ENAH: variants seen among roughly 807,000 people sequenced by gnomAD.
ENAH encodes the protein protein enabled homolog.
ENAH carries 23 observed loss-of-function variants against 78.7 expected under a neutral mutation model. The observed-to-expected ratio is 0.29, with a 90% CI of 0.21 to 0.41. ENAH has a LOEUF of 0.41. ENAH is among the 10% of genes least tolerant of loss of function. The pLI is 1.00. For synonymous variants in ENAH, 226 were observed against 241.0 expected (o/e 0.94, Z 0.58); for missense variants, 544 against 691.0 (o/e 0.79, Z 2.39).
At chr1:225,645,302 C>A (rs945238481) in intron 1 of ENAH, among the ~76,000 whole-genome samples, 2 of 152,184 alleles carry the variant, frequency 1.3e-5, no homozygotes, top group African/African-American at 4.8e-5. Flanking sequence ...CATATATCGC[C>A]TTTTGTGTCT....
chr1:225,621,514 G>C (rs886582136), intron 1 of ENAH, among the ~76,000 whole-genome samples: 1 of 151,698 alleles, frequency 6.6e-6, no homozygotes, highest in South Asian at 2.1e-4. Flanking sequence ...GGATGGTCTC[G>C]ATCTCCTGAC....
chr1:225,581,872 T>A (rs1333265834), intron 1 of ENAH, among the ~76,000 whole-genome samples: 8 of 132,206 alleles, frequency 6.1e-5, no homozygotes, highest in East Asian at 4.5e-4. Context: ...TTTTTTTTTT[T>A]AATTTTTGGT....
chr1:225,519,530 T>G lies in ENAH; in HGVS notation c.470A>C (p.Glu157Ala). 1 of 1,610,448 alleles carries G rather than the reference T, an allele frequency of 6.2e-7. No homozygotes were observed. Among genetic ancestry groups the G allele is most frequent in the Non-Finnish European group, 8.5e-7 (1 of 1,179,528 alleles). ...LQEQQRQKEL[E>A]RERLERERME... is the part of the protein sequence containing the mutation. ...TCTTTCTCGCTCCAGCCTTTCCCGC[T>G]CCAGCTCCTTTTGCCGTTGCTGTTC... is the stretch of plus-strand genomic sequence containing the variant. The change falls in exon 5 of 14, where the codon GAG becomes GCG. Residue 157 changes from glutamate (E) to alanine (A), a missense_variant. Coordinates refer to ENST00000366843, the MANE Select transcript of ENAH (RefSeq NM_018212.6).
At position 225,493,585 on chromosome 1, in the gene ENAH, T is replaced by C. The variant is rs1001236993; in HGVS notation, c.*4190A>G. On this transcript the variant is annotated 3_prime_UTR_variant, in exon 14 of 14. Transcript: ENST00000366843. Reference sequence around the variant, plus strand: ...ATGTACAGATATGAACTCATCTTTCTATTAAAAACAAAAGTGGTGCTACCA... The same window carrying C: ...ATGTACAGATATGAACTCATCTTTCCATTAAAAACAAAAGTGGTGCTACCA... 3 of 152,230 alleles carry C rather than the reference T, an allele frequency of 2.0e-5. No individual in the cohort carries two copies. The highest frequency in any genetic ancestry group is 1.3e-4 in the Admixed American group (2 of 15,274). 9.4% of individuals were successfully genotyped at this position (152,230 alleles called of 1,614,324 possible).
chr1:225,572,456 G>A (rs2096767932), intron 1 of ENAH, among the ~76,000 whole-genome samples: 1 of 152,118 alleles, frequency 6.6e-6, no homozygotes, highest in Non-Finnish European at 1.5e-5. Flanking sequence ...TCAAAACAAA[G>A]ACAAATCATT....
intron 1 of ENAH, among the ~76,000 whole-genome samples, chr1:225,568,555 A>G (rs1205979388): frequency 6.6e-6 from 1 of 152,226 alleles, no homozygotes; most frequent in Non-Finnish European, 1.5e-5. Flanking sequence ...AATCCTCTGA[A>G]GTAGCTCGTG....
chr1:225,585,845 G>A (rs912306989), intron 1 of ENAH, among the ~76,000 whole-genome samples: 7 of 152,072 alleles, frequency 4.6e-5, no homozygotes, highest in African/African-American at 1.7e-4. Context: ...AAGCAGTGAC[G>A]AATGGGAAAT....
chr1:225,580,033 C>T lies in ENAH; in HGVS notation c.6-12619G>A, dbSNP rs552318160. ...CCCTACTGTGTGATTCTGGTTCCTA[C>T]TCTAAGTATACACTGTAAGAAATAA... On this transcript the variant is annotated intron_variant, in intron 1 of 13. Coordinates refer to ENST00000366843, the MANE Select transcript of ENAH (RefSeq NM_018212.6). The T allele has an allele frequency of 2.6e-5, 4 of 152,200 alleles. No homozygotes were observed. In the East Asian group the frequency reaches 5.8e-4, roughly 22 times the overall value. 9.4% of individuals were successfully genotyped at this position (152,200 alleles called of 1,614,324 possible).
chr1:225,498,351 A>G lies in ENAH; in HGVS notation c.1671T>C (p.Ile557=). 1 of 1,594,500 alleles carries G rather than the reference A, an allele frequency of 6.3e-7. No homozygotes were observed. The highest frequency in any genetic ancestry group is 8.6e-7 in the Non-Finnish European group (1 of 1,166,226). ...TAAATTTGTCCAGACACTTACCATC[A>G]ATGAGCTCTTCTTTTAGCTTTGTTA... The part of the protein sequence containing the change: ...KELTKLKEEL[I]DAIRQELSKS... Residue 557 remains isoleucine (I), a synonymous_variant, in exon 13 of 14, where the codon ATT becomes ATC. Transcript: ENST00000366843.
intron 1 of ENAH, chr1:225,581,145 AG>A: frequency 2.4e-6 from 1 of 424,140 alleles, no homozygotes; most frequent in Non-Finnish European, 3.2e-6. Flanking sequence ...CAGAAAAAAA[AG>A]AAAAATGTGG....
chr1:225,586,241 C>CAAAAAAA (rs34817622), intron 1 of ENAH, among the ~76,000 whole-genome samples: 3,091 of 100,486 alleles, frequency 0.031, 72 homozygotes, highest in South Asian at 0.081. Flanking sequence ...GAGACAAGCT[C>CAAAAAAA]AAAAAAAAAA....
At chr1:225,594,932 G>A (rs1453174720) in intron 1 of ENAH, among the ~76,000 whole-genome samples, 2 of 152,138 alleles carry the variant, frequency 1.3e-5, no homozygotes, top group Non-Finnish European at 2.9e-5. Flanking sequence ...GAAAAAATAG[G>A]TATACAGAAA....
chr1:225,503,235 T>C (rs2096295009), intron 11 of ENAH, among the ~76,000 whole-genome samples: 1 of 152,168 alleles, frequency 6.6e-6, no homozygotes. Context: ...AATAACATTA[T>C]CCCAGGGGGT....
At chr1:225,583,995 A>T (rs2096833189) in intron 1 of ENAH, among the ~76,000 whole-genome samples, 1 of 151,962 alleles carries the variant, frequency 6.6e-6, no homozygotes, top group Non-Finnish European at 1.5e-5. Context: ...TCCACTAAAA[A>T]TACAAAAATT....
chr1:225,526,326 T>C (rs1217305520), intron 4 of ENAH, among the ~76,000 whole-genome samples: 1 of 151,800 alleles, frequency 6.6e-6, no homozygotes, highest in Non-Finnish European at 1.5e-5. Flanking sequence ...ATTTCTTTCT[T>C]TCTCTCTCTC....
chr1:225,618,965 G>A (rs1412578568), intron 1 of ENAH, among the ~76,000 whole-genome samples: 2 of 152,112 alleles, frequency 1.3e-5, no homozygotes, highest in African/African-American at 4.8e-5. Context: ...AAAGAAGTCC[G>A]AGGACCCCTA....
chr1:225,529,578 G>A (rs2096527656), intron 4 of ENAH, among the ~76,000 whole-genome samples: 1 of 151,964 alleles, frequency 6.6e-6, no homozygotes, highest in Admixed American at 6.6e-5. Context: ...CATGTTTATT[G>A]TCTGATGAGT....
intron 3 of ENAH, among the ~76,000 whole-genome samples, chr1:225,535,762 C>A: frequency 6.6e-6 from 1 of 152,078 alleles, no homozygotes; most frequent in East Asian, 1.9e-4. Flanking sequence ...TTTATGCAAT[C>A]GTTTTTTGGT....
At chr1:225,599,903 C>T (rs994137649) in intron 1 of ENAH, among the ~76,000 whole-genome samples, 1 of 151,610 alleles carries the variant, frequency 6.6e-6, no homozygotes, top group Non-Finnish European at 1.5e-5. Flanking sequence ...TGGCTTGGCG[C>T]CCTCCCTGTA....
Sources: allele counts gnomAD v4.1 joint callset (sites outside exome capture counted in the v4.1 genomes callset), GRCh38; gene constraint gnomAD v4.1.1; transcripts MANE v1.5; gene names NCBI Gene and HGNC (gene_info 2026-07-23, HGNC 2026-07-21).